The following FHIT variants were observed in gnomAD, a reference collection of about 807,000 sequenced individuals.
FHIT encodes fragile histidine triad diadenosine triphosphatase, also known as bis(5'-adenosyl)-triphosphatase.
Under a neutral mutation model 17.9 loss-of-function variants are expected in FHIT, and 19 were observed. The ratio of observed to expected loss-of-function variants is 1.06; its 90% CI spans 0.74 to 1.56. FHIT has a LOEUF of 1.56. Ranked by LOEUF, FHIT falls within the 40% of genes most tolerant of loss-of-function variation. FHIT has a pLI of 0.00. For synonymous variants in FHIT, 81 were observed against 69.7 expected, an observed-to-expected ratio of 1.16 and a Z score of -0.81; for missense variants, 248 against 189.2, an observed-to-expected ratio of 1.31 and a Z score of -1.82.
chr3:59,766,840 C>T (rs1701819986), intron 8 of FHIT, among the ~76,000 whole-genome samples: 1 of 152,108 alleles, frequency 6.6e-6, no homozygotes. Context: ...AATTTCCAAG[C>T]AATTTTGCTC....
At chr3:60,132,934 G>C (rs1426962768) in intron 5 of FHIT, among the ~76,000 whole-genome samples, 4 of 152,122 alleles carry the variant, frequency 2.6e-5, no homozygotes, top group Non-Finnish European at 4.4e-5. Flanking sequence ...TTTTGAGTTA[G>C]ATTACTGAAG....
At chr3:59,797,855 A>G (rs1214550360) in intron 8 of FHIT, among the ~76,000 whole-genome samples, 1 of 152,340 alleles carries the variant, frequency 6.6e-6, no homozygotes, top group African/African-American at 2.4e-5. Flanking sequence ...AGACATTTTT[A>G]TTAACAGAAC....
At chr3:59,756,515 T>C (rs1327156040) in intron 8 of FHIT, among the ~76,000 whole-genome samples, 1 of 152,118 alleles carries the variant, frequency 6.6e-6, no homozygotes, top group East Asian at 1.9e-4. Context: ...AGTGACTTGT[T>C]TTAGGATAAG....
At chr3:59,829,157 C>T (rs914372364) in intron 8 of FHIT, among the ~76,000 whole-genome samples, 2 of 152,168 alleles carry the variant, frequency 1.3e-5, no homozygotes, top group Non-Finnish European at 2.9e-5. Flanking sequence ...GAACTAACGA[C>T]ATGAATTTCA....
chr3:59,986,915 A>T (rs1559525026), intron 7 of FHIT, among the ~76,000 whole-genome samples: 1 of 120,032 alleles, frequency 8.3e-6, no homozygotes, highest in Non-Finnish European at 1.6e-5. Context: ...ATATATTAAA[A>T]ATATATGTAC....
chr3:60,647,785 GAATA>G (rs1559611856), intron 4 of FHIT, among the ~76,000 whole-genome samples: 1 of 152,072 alleles, frequency 6.6e-6, no homozygotes, highest in African/African-American at 2.4e-5. Flanking sequence ...GAAATATGTA[GAATA>G]CATACAATGC....
intron 8 of FHIT, among the ~76,000 whole-genome samples, chr3:59,837,971 G>A (rs1259170323): frequency 3.9e-5 from 6 of 152,116 alleles, no homozygotes; most frequent in Non-Finnish European, 8.8e-5. Context: ...TGGGGCAAAT[G>A]TTAGCTGCAG....
intron 5 of FHIT, among the ~76,000 whole-genome samples, chr3:60,394,149 C>A (rs1449877386): frequency 1.3e-5 from 2 of 152,072 alleles, no homozygotes; most frequent in East Asian, 3.9e-4. Context: ...ACTGGTTTGA[C>A]TGGGTCAGAG....
At chr3:59,885,259 G>A (rs1703571334) in intron 8 of FHIT, among the ~76,000 whole-genome samples, 1 of 152,080 alleles carries the variant, frequency 6.6e-6, no homozygotes, top group African/African-American at 2.4e-5. Context: ...GCTTCATCAT[G>A]GTTCAACCTC....
intron 4 of FHIT, among the ~76,000 whole-genome samples, chr3:60,663,994 T>G (rs1280125381): frequency 6.6e-6 from 1 of 152,176 alleles, no homozygotes; most frequent in Non-Finnish European, 1.5e-5. Context: ...TCTATTTTCT[T>G]TTCTTGCCTT....
intron 5 of FHIT, among the ~76,000 whole-genome samples, chr3:60,032,805 T>C (rs1701057017): frequency 6.6e-6 from 1 of 152,208 alleles, no homozygotes; most frequent in South Asian, 2.1e-4. Context: ...AGACACTAGC[T>C]GCATTTGAAA....
chr3:59,783,363 G>T (rs1304627635), intron 8 of FHIT, among the ~76,000 whole-genome samples: 1 of 152,150 alleles, frequency 6.6e-6, no homozygotes, highest in Non-Finnish European at 1.5e-5. Context: ...CAGCTACTCG[G>T]GAGGCTGAGG....
chr3:60,955,611 T>TATATATACATATATATATAC lies in FHIT; in HGVS notation c.-111+86435_-111+86436insGTATATATATATGTATATAT, dbSNP rs1559862282. ...GCATATATATACATATATATATATATATATATATATATATATATATATACA... is the reference window on the plus strand; with the variant it reads ...GCATATATATACATATATATATATATATATATACATATATATATACATATATATATATATATATATATACA... On this transcript the variant is annotated intron_variant, in intron 3 of 9. Coordinates refer to ENST00000492590, the MANE Select transcript of FHIT (RefSeq NM_002012.4). Among the ~76,000 whole-genome samples, 40 of 16,924 alleles carry TATATATACATATATATATAC rather than the reference T, an allele frequency of 2.4e-3. 1 individual carries two copies. Among genetic ancestry groups the TATATATACATATATATATAC allele is most frequent in the African/African-American group, 4.5e-3 (37 of 8,160 alleles). 11.1% of individuals were successfully genotyped at this position (16,924 alleles called of 152,430 possible).
At chr3:60,532,577 T>C (rs1173880071) in intron 5 of FHIT, among the ~76,000 whole-genome samples, 1 of 152,210 alleles carries the variant, frequency 6.6e-6, no homozygotes, top group African/African-American at 2.4e-5. Context: ...GAAAAGCATT[T>C]TCCAGTAACA....
At chr3:59,962,779 T>G (rs1296214736) in intron 7 of FHIT, among the ~76,000 whole-genome samples, 2 of 152,222 alleles carry the variant, frequency 1.3e-5, no homozygotes. Context: ...ACACATGCAT[T>G]TGCTAGCTCA....
chr3:60,383,346 T>C (rs1469276187), intron 5 of FHIT, among the ~76,000 whole-genome samples: 2 of 152,176 alleles, frequency 1.3e-5, no homozygotes, highest in Non-Finnish European at 2.9e-5. Flanking sequence ...TTTAATTAGG[T>C]ATTTCCAAAT....
chr3:61,167,016 A>C (rs2037858355), intron 2 of FHIT: 1 of 152,254 alleles, frequency 6.6e-6, no homozygotes, highest in Non-Finnish European at 1.5e-5. Context: ...GACTCCAGAC[A>C]GGGTGGTCCA....
At chr3:60,017,690 A>G (rs1700395966) in intron 5 of FHIT, among the ~76,000 whole-genome samples, 4 of 152,172 alleles carry the variant, frequency 2.6e-5, no homozygotes, top group African/African-American at 9.7e-5. Flanking sequence ...CCAGCCCAGA[A>G]CTGACTATCT....
chr3:59,811,828 G>A (rs1255508047), intron 8 of FHIT, among the ~76,000 whole-genome samples: 1 of 152,220 alleles, frequency 6.6e-6, no homozygotes, highest in African/African-American at 2.4e-5. Flanking sequence ...GTAAGGGGCA[G>A]TTAATACTAT....
Sources: gnomAD v4.1 joint callset for allele counts (sites outside exome capture counted in the v4.1 genomes callset) on GRCh38, gnomAD v4.1.1 for gene constraint, MANE v1.5 for transcripts, NCBI Gene and HGNC (gene_info 2026-07-23, HGNC 2026-07-21) for gene names.